DIP2B: variants seen among roughly 807,000 people sequenced by gnomAD.
DIP2B encodes DIP2 acetate--CoA ligase B (putative).
DIP2B carries 76 observed loss-of-function variants against 198.0 expected under a neutral mutation model. That is an observed-to-expected ratio of 0.38 (90% confidence interval 0.32 to 0.46). The LOEUF is 0.46. DIP2B is among the 20% of genes least tolerant of loss of function. The pLI, the probability that DIP2B is intolerant of heterozygous loss-of-function variation, is 0.99. For synonymous variants in DIP2B, 701 were observed against 739.1 expected (o/e 0.95, Z 0.84); for missense variants, 1,559 against 1,978.4 (o/e 0.79, Z 4.02).
intron 1 of DIP2B, among the ~76,000 whole-genome samples, chr12:50,516,213 A>ATC (rs68059796): frequency 0.02 from 2,559 of 128,502 alleles, 28 homozygotes; most frequent in East Asian, 0.054. Flanking sequence ...TAGAGGCACC[A>ATC]TCTCTCTCTC....
chr12:50,716,958 CTTTTT>C (rs4026694), intron 23 of DIP2B, among the ~76,000 whole-genome samples: 7 of 58,924 alleles, frequency 1.2e-4, no homozygotes, highest in South Asian at 1.0e-3. Flanking sequence ...CGAATTGTTG[CTTTTT>C]TTTTTTTTTT....
intron 4 of DIP2B, among the ~76,000 whole-genome samples, chr12:50,664,812 A>G: frequency 1.4e-5 from 2 of 146,098 alleles, no homozygotes; most frequent in Admixed American, 6.8e-5. Context: ...AGACAAGGAG[A>G]ATTTCCCTCC....
At chr12:50,533,183 G>T (rs952269101) in intron 1 of DIP2B, among the ~76,000 whole-genome samples, 8 of 152,150 alleles carry the variant, frequency 5.3e-5, no homozygotes, top group Non-Finnish European at 1.2e-4. Context: ...TTAATTAGCA[G>T]TTGTTTAGTA....
intron 22 of DIP2B, among the ~76,000 whole-genome samples, chr12:50,711,221 G>A (rs189641335): frequency 2.7e-4 from 41 of 152,270 alleles, no homozygotes; most frequent in African/African-American, 7.9e-4. Context: ...CGGAGCATTC[G>A]AGTCCATAGC....
chr12:50,541,148 G>A (rs11169484), intron 1 of DIP2B, among the ~76,000 whole-genome samples: 48,594 of 151,990 alleles, frequency 0.32, 7,951 homozygotes, highest in South Asian at 0.39. Context: ...AGTGTAACTT[G>A]CATGTGTTAA....
Position 50,741,491 on chromosome 12 carries a change from T to C in DIP2B, c.4430T>C (p.Ile1477Thr), listed in dbSNP as rs997487733. Reference protein sequence around the residue: ...LELRGLRYHPIDIETSVSRIH... With the variant: ...LELRGLRYHPTDIETSVSRIH... Reference sequence around the variant, plus strand: ...CTGAGAGGATTACGATACCACCCAATTGATATTGAGACCTCGGTGTCCCGG... The same window carrying C: ...CTGAGAGGATTACGATACCACCCAACTGATATTGAGACCTCGGTGTCCCGG... The change falls in exon 37 of 38, where the codon ATT (isoleucine) becomes ACT (threonine). Residue 1477 changes from isoleucine to threonine, a missense_variant. Ile to Thr is a moderately conservative substitution (Grantham distance 89). Transcript: ENST00000301180. 3.1e-6 allele frequency: 5 copies of C among 1,614,174 alleles called. No individual in the cohort carries two copies. In the South Asian group the frequency reaches 3.3e-5, roughly 11 times the overall value.
intron 17 of DIP2B, 144 bp from the exon 18 acceptor site, chr12:50,698,184 C>T (rs1048514556): frequency 3.9e-6 from 4 of 1,024,640 alleles, no homozygotes; most frequent in African/African-American, 1.6e-5. Context: ...GACACCACAC[C>T]CAGCTCTAAT....
intron 1 of DIP2B, among the ~76,000 whole-genome samples, chr12:50,533,905 A>G (rs1958240849): frequency 1.3e-5 from 2 of 152,252 alleles, no homozygotes; most frequent in African/African-American, 4.8e-5. Context: ...TTATATTATA[A>G]AAAGTACCTG....
intron 4 of DIP2B, among the ~76,000 whole-genome samples, chr12:50,662,880 G>T (rs1489230380): frequency 6.6e-6 from 1 of 152,178 alleles, no homozygotes; most frequent in Non-Finnish European, 1.5e-5. Context: ...GGAGGCTGAG[G>T]CAGGCAGATC....
chr12:50,683,365 C>A, intron 10 of DIP2B, 117 bp downstream of exon 10: 1 of 731,398 alleles, frequency 1.4e-6, no homozygotes, highest in Non-Finnish European at 2.2e-6. Context: ...AAGTACTCAG[C>A]TTCACTTTCT....
At position 50,527,719 on chromosome 12, in the gene DIP2B, A is replaced by T. The variant is rs184345302; in HGVS notation, c.100+22479A>T. 3.9e-4 allele frequency among the ~76,000 whole-genome samples: 59 copies of T among 152,308 alleles called. No homozygotes were observed. In the East Asian group the frequency reaches 0.01, roughly 26 times the overall value. ...AGCAAGACCACATCTTAAAGAAAAG[A>T]TTATCCTTTTTCAGTACAAATTGGA... On this transcript the variant is annotated intron_variant, in intron 1 of 37. Coordinates refer to ENST00000301180, the MANE Select transcript of DIP2B (RefSeq NM_173602.3).
chr12:50,654,707 G>C (rs540369851), intron 3 of DIP2B, among the ~76,000 whole-genome samples: 1 of 152,164 alleles, frequency 6.6e-6, no homozygotes, highest in Non-Finnish European at 1.5e-5. Flanking sequence ...AAATGGCCAA[G>C]TGACATGAAC....
intron 1 of DIP2B, among the ~76,000 whole-genome samples, chr12:50,598,986 A>AT (rs1958912288): frequency 3.6e-5 from 2 of 55,358 alleles, no homozygotes; most frequent in African/African-American, 2.0e-4. Context: ...ACATATAAAC[A>AT]TTAAAAAAAA....
At chr12:50,671,434 A>G (rs770758509) in intron 5 of DIP2B, 36 bp downstream of exon 5, 1 of 1,601,420 alleles carries the variant, frequency 6.2e-7, no homozygotes, top group Non-Finnish European at 8.6e-7. Context: ...CCCAAATTAC[A>G]TTCCATTTGG....
chr12:50,675,096 A>G (rs1007882901), intron 6 of DIP2B, among the ~76,000 whole-genome samples: 3 of 152,252 alleles, frequency 2.0e-5, no homozygotes, highest in African/African-American at 7.2e-5. Context: ...TCTCAAAAAA[A>G]GAATAACTGA....
intron 1 of DIP2B, among the ~76,000 whole-genome samples, chr12:50,583,830 A>G (rs932382744): frequency 2.0e-5 from 3 of 152,110 alleles, no homozygotes; most frequent in African/African-American, 7.2e-5. Context: ...TCCCCATGAC[A>G]GCACAACTCT....
chr12:50,540,053 G>GTGTTTTTTT (rs1958306331), intron 1 of DIP2B, among the ~76,000 whole-genome samples: 2 of 44,166 alleles, frequency 4.5e-5, no homozygotes, highest in Non-Finnish European at 3.9e-5. Flanking sequence ...TTGTTTCTGT[G>GTGTTTTTTT]TTTTTTTTTT....
chr12:50,636,837 A>G (rs1366718357), intron 2 of DIP2B, among the ~76,000 whole-genome samples: 1 of 152,122 alleles, frequency 6.6e-6, no homozygotes, highest in Non-Finnish European at 1.5e-5. Context: ...CTGGGTCAGG[A>G]TCTGTTCAGA....
rs1939704710 is a variant in DIP2B, at chr12:50,715,847, G to A, written c.2851+1251G>A. On this transcript the variant is annotated intron_variant, in intron 23 of 37. Transcript: ENST00000301180. ...TGGGGGTTCTGTTATTAAGGAAGAA[G>A]AATAGGATACTGGAATTGATAACTA... 2.0e-5 allele frequency among the ~76,000 whole-genome samples: 3 copies of A among 152,200 alleles called. No individual in the cohort carries two copies. The South Asian group carries it at 6.2e-4, about 31-fold the overall frequency.
Sources: allele counts gnomAD v4.1 joint callset (sites outside exome capture counted in the v4.1 genomes callset), GRCh38; gene constraint gnomAD v4.1.1; transcripts MANE v1.5; gene names NCBI Gene and HGNC (gene_info 2026-07-23, HGNC 2026-07-21).